Variants in KCNIP4 observed in about 807,000 individuals in gnomAD.
KCNIP4 encodes potassium voltage-gated channel interacting protein 4, also known as Kv channel-interacting protein 4.
In KCNIP4, 12 loss-of-function variants were observed where a neutral mutation model predicts 34.0. That is an observed-to-expected ratio of 0.35 (90% CI 0.23 to 0.57). The LOEUF is 0.57. KCNIP4 is among the 20% of genes least tolerant of loss of function. The probability of loss-of-function intolerance (pLI) is 0.83; values close to 1 mark genes in which losing one functional copy is unlikely to be tolerated. For missense variants in KCNIP4, 238 were observed against 311.7 expected (o/e 0.76, Z 1.78); for synonymous variants, 124 against 102.2 (o/e 1.21, Z -1.29).
At chr4:21,096,661 C>T (rs1747482302) in intron 1 of KCNIP4, among the ~76,000 whole-genome samples, 1 of 151,988 alleles carries the variant, frequency 6.6e-6, no homozygotes. Context: ...AAATAAATTT[C>T]CTTGTGTTTC....
intron 1 of KCNIP4, among the ~76,000 whole-genome samples, chr4:21,527,308 G>A (rs1419023651): frequency 6.6e-6 from 1 of 152,062 alleles, no homozygotes; most frequent in Non-Finnish European, 1.5e-5. Flanking sequence ...CCTTACCTTG[G>A]CTAATATTTT....
At chr4:21,208,837 T>C (rs970966189) in intron 1 of KCNIP4, among the ~76,000 whole-genome samples, 16 of 152,252 alleles carry the variant, frequency 1.1e-4, no homozygotes, top group Admixed American at 3.3e-4. Context: ...AAACTTACAA[T>C]CATGGCAGAA....
chr4:21,291,302 G>A (rs1253247280), intron 1 of KCNIP4, among the ~76,000 whole-genome samples: 2 of 150,056 alleles, frequency 1.3e-5, no homozygotes, highest in Admixed American at 6.9e-5. Context: ...GTATGTGTAT[G>A]TGTGTGGAGT....
At chr4:20,964,651 C>G (rs74539327) in intron 1 of KCNIP4, among the ~76,000 whole-genome samples, 2,702 of 152,244 alleles carry the variant, frequency 0.018, 82 homozygotes, top group African/African-American at 0.062. Context: ...TTGATGTTCA[C>G]TACATTTATT....
chr4:21,406,609 T>A (rs1243796505), intron 1 of KCNIP4, among the ~76,000 whole-genome samples: 1 of 152,212 alleles, frequency 6.6e-6, no homozygotes, highest in African/African-American at 2.4e-5. Flanking sequence ...CCTACATAAA[T>A]ATGACAATTA....
intron 1 of KCNIP4, among the ~76,000 whole-genome samples, chr4:21,266,621 T>G (rs1470709175): frequency 6.6e-6 from 1 of 152,148 alleles, no homozygotes; most frequent in East Asian, 1.9e-4. Flanking sequence ...TAGGCTAAAG[T>G]GCATGTGGGG....
intron 1 of KCNIP4, among the ~76,000 whole-genome samples, chr4:21,171,230 G>C (rs559450621): frequency 9.8e-5 from 15 of 152,298 alleles, no homozygotes; most frequent in Admixed American, 9.2e-4. Context: ...TGGGATAAAG[G>C]AGAAAATGAC....
rs115553627 is a variant in KCNIP4, at chr4:21,680,728, C to T, written c.61+267843G>A. ...CCATCAGAGCTCTTGAATGACTAGG[C>T]GCATTGTCAATGAGCAGTAACATTT... On this transcript the variant is annotated intron_variant, in intron 1 of 8. Transcript: ENST00000382152. Among the ~76,000 whole-genome samples the T allele has an allele frequency of 2.7e-3, 405 of 152,250 alleles. 1 individual carries two copies. Among genetic ancestry groups the T allele is most frequent in the African/African-American group, 7.8e-3 (323 of 41,556 alleles).
chr4:21,800,251 A>ATAGGG (rs1467953253), intron 1 of KCNIP4, among the ~76,000 whole-genome samples: 1 of 152,200 alleles, frequency 6.6e-6, no homozygotes, highest in African/African-American at 2.4e-5. Flanking sequence ...TGATTATGCT[A>ATAGGG]TAGGGCTCTG....
chr4:20,851,262 T>A (rs1030135852), intron 2 of KCNIP4, among the ~76,000 whole-genome samples: 6 of 152,176 alleles, frequency 3.9e-5, no homozygotes, highest in Admixed American at 3.9e-4. Flanking sequence ...CAGCTCCCAC[T>A]TACAAGTGAG....
At chr4:21,109,934 A>G (rs1749008494) in intron 1 of KCNIP4, among the ~76,000 whole-genome samples, 1 of 152,164 alleles carries the variant, frequency 6.6e-6, no homozygotes, top group Non-Finnish European at 1.5e-5. Context: ...ATATAAGGTA[A>G]ATAGATATTA....
At chr4:20,767,835 A>C (rs1229653065) in intron 3 of KCNIP4, among the ~76,000 whole-genome samples, 1 of 152,210 alleles carries the variant, frequency 6.6e-6, no homozygotes, top group Non-Finnish European at 1.5e-5. Flanking sequence ...GGAAAAAAAA[A>C]CTAAAAGTGC....
At chr4:21,289,864 C>T (rs376982710) in intron 1 of KCNIP4, among the ~76,000 whole-genome samples, 6 of 152,190 alleles carry the variant, frequency 3.9e-5, no homozygotes, top group South Asian at 2.1e-4. Context: ...GACTCCCACT[C>T]TATACCCGCT....
chr4:21,518,214 G>A (rs555431405), intron 1 of KCNIP4, among the ~76,000 whole-genome samples: 1 of 152,196 alleles, frequency 6.6e-6, no homozygotes, highest in African/African-American at 2.4e-5. Context: ...CTATCCATGG[G>A]ATCAATATAT....
intron 3 of KCNIP4, among the ~76,000 whole-genome samples, chr4:20,775,095 C>G (rs1343778650): frequency 1.3e-5 from 2 of 152,122 alleles, no homozygotes; most frequent in Non-Finnish European, 2.9e-5. Flanking sequence ...GTGTATCAGG[C>G]TCTCTGTTAT....
At chr4:21,253,839 C>A (rs1560219296) in intron 1 of KCNIP4, among the ~76,000 whole-genome samples, 1 of 152,072 alleles carries the variant, frequency 6.6e-6, no homozygotes, top group Admixed American at 6.6e-5. Flanking sequence ...AATAAACCAG[C>A]TAGATATGTG....
chr4:20,976,062 C>T (rs944835129), intron 1 of KCNIP4, among the ~76,000 whole-genome samples: 2 of 152,164 alleles, frequency 1.3e-5, no homozygotes, highest in African/African-American at 4.8e-5. Context: ...CTGGCCACTG[C>T]TTGAGAATCA....
intron 2 of KCNIP4, among the ~76,000 whole-genome samples, chr4:20,863,755 T>C (rs866131556): frequency 6.6e-6 from 1 of 152,096 alleles, no homozygotes; most frequent in Non-Finnish European, 1.5e-5. Flanking sequence ...CATTAATACC[T>C]GGGTATTTTC....
intron 1 of KCNIP4, among the ~76,000 whole-genome samples, chr4:21,484,971 A>G (rs1731784247): frequency 1.3e-5 from 2 of 152,206 alleles, no homozygotes; most frequent in Admixed American, 6.5e-5. Context: ...AATAAATACC[A>G]AGGTCCAGAG....
Sources: gnomAD v4.1 joint callset for allele counts (sites outside exome capture counted in the v4.1 genomes callset) on GRCh38, gnomAD v4.1.1 for gene constraint, MANE v1.5 for transcripts, NCBI Gene and HGNC (gene_info 2026-07-23, HGNC 2026-07-21) for gene names.